UBE3A: variants seen among roughly 807,000 people sequenced by gnomAD.
The protein encoded by UBE3A is ubiquitin protein ligase E3A.
A neutral mutation model predicts 83.4 loss-of-function variants in UBE3A; 6 were observed. The observed-to-expected ratio is 0.07, with a 90% CI of 0.04 to 0.14. The LOEUF (loss-of-function observed/expected upper bound fraction) is 0.14, where lower values mean the gene tolerates loss of function less well. UBE3A is among the 10% of genes least tolerant of loss of function. The pLI is 1.00. For missense variants in UBE3A, 456 were observed against 1,036.1 expected (o/e 0.44, Z 7.69); for synonymous variants, 337 against 355.4 (o/e 0.95, Z 0.58).
intron 6 of UBE3A, among the ~76,000 whole-genome samples, chr15:25,367,092 A>G (rs1365633022): frequency 6.6e-6 from 1 of 151,596 alleles, no homozygotes; most frequent in Non-Finnish European, 1.5e-5. Flanking sequence ...ATCTTAATAC[A>G]TACTATCATT....
intron 3 of UBE3A, 80 bp downstream of exon 3, chr15:25,409,008 T>C: frequency 2.1e-6 from 3 of 1,430,474 alleles, no homozygotes; most frequent in South Asian, 1.2e-5. Flanking sequence ...CTGCCAACTA[T>C]ACATTGTCTT....
At chr15:25,418,482 T>C (rs781696497) in intron 1 of UBE3A, 2 of 152,124 alleles carry the variant, frequency 1.3e-5, no homozygotes, top group Non-Finnish European at 2.9e-5. Context: ...AAACATTATG[T>C]TGAGCAAAAA....
intron 4 of UBE3A, among the ~76,000 whole-genome samples, chr15:25,392,763 T>A (rs2084697702): frequency 6.6e-6 from 1 of 152,088 alleles, no homozygotes; most frequent in Non-Finnish European, 1.5e-5. Context: ...GAAAACATGA[T>A]ATTATAAGAC....
chr15:25,383,890 T>A (rs2082627100), intron 4 of UBE3A, among the ~76,000 whole-genome samples: 1 of 152,010 alleles, frequency 6.6e-6, no homozygotes, highest in Non-Finnish European at 1.5e-5. Context: ...ATGAGAAAAG[T>A]AAGAAGTAAA....
intron 4 of UBE3A, among the ~76,000 whole-genome samples, chr15:25,394,291 T>C (rs2085050773): frequency 6.6e-6 from 1 of 152,224 alleles, no homozygotes. Context: ...ACTGTCTCGA[T>C]AACAGTGTCA....
intron 11 of UBE3A, among the ~76,000 whole-genome samples, chr15:25,350,004 G>A (rs564300973): frequency 2.2e-4 from 34 of 152,256 alleles, no homozygotes; most frequent in Non-Finnish European, 2.6e-4. Context: ...AGTGGCTCAC[G>A]CCTGTAATCC....
chr15:25,362,619 AT>A (rs1457489273), intron 6 of UBE3A, among the ~76,000 whole-genome samples: 1 of 152,214 alleles, frequency 6.6e-6, no homozygotes, highest in African/African-American at 2.4e-5. Context: ...AGTCAAACAA[AT>A]GTAGATGTGA....
At chr15:25,341,397 A>AAATT (rs2074763911) in intron 11 of UBE3A, among the ~76,000 whole-genome samples, 1 of 151,990 alleles carries the variant, frequency 6.6e-6, no homozygotes, top group Non-Finnish European at 1.5e-5. Context: ...TAAGATTAAA[A>AAATT]AATTAAAAAA....
chr15:25,432,152 T>C (rs950436924), intron 1 of UBE3A, among the ~76,000 whole-genome samples: 1 of 152,236 alleles, frequency 6.6e-6, no homozygotes, highest in South Asian at 2.1e-4. Context: ...ATAAAGAACA[T>C]GAGTTTAACA....
chr15:25,357,772 A>G (rs2152707841), intron 7 of UBE3A, among the ~76,000 whole-genome samples: 1 of 152,320 alleles, frequency 6.6e-6, no homozygotes. Flanking sequence ...ACCTGGATAA[A>G]TCTGATGAAC....
chr15:25,400,129 A>T (rs1253058903), intron 4 of UBE3A, among the ~76,000 whole-genome samples: 1 of 152,212 alleles, frequency 6.6e-6, no homozygotes, highest in Non-Finnish European at 1.5e-5. Context: ...TACAATATTA[A>T]TTCTTCCAAT....
At chr15:25,391,687 C>T in intron 4 of UBE3A, 1 of 152,010 alleles carries the variant, frequency 6.6e-6, no homozygotes, top group East Asian at 1.9e-4. Flanking sequence ...AGCTGGAAGA[C>T]AGTAGAAGAG....
chr15:25,430,133 A>G (rs1441264692), intron 1 of UBE3A, among the ~76,000 whole-genome samples: 1 of 65,822 alleles, frequency 1.5e-5, no homozygotes, highest in African/African-American at 8.5e-5. Flanking sequence ...AAGATTATAT[A>G]TATATTATAT....
At chr15:25,412,976 G>A (rs886403042) in intron 1 of UBE3A, 12 of 434,562 alleles carry the variant, frequency 2.8e-5, no homozygotes, top group Non-Finnish European at 4.1e-5. Context: ...ACCCAAGAAC[G>A]CAGAAATGAA....
intron 4 of UBE3A, among the ~76,000 whole-genome samples, chr15:25,399,208 T>G (rs1372262943): frequency 1.3e-5 from 2 of 152,148 alleles, no homozygotes; most frequent in Non-Finnish European, 2.9e-5. Context: ...TAGTTTGATG[T>G]GATCTCATTC....
chr15:25,422,479 T>G (rs772216361), intron 1 of UBE3A, among the ~76,000 whole-genome samples: 26 of 152,022 alleles, frequency 1.7e-4, no homozygotes, highest in Admixed American at 3.9e-4. Context: ...AAAGGTGGCA[T>G]TATCAGTGGG....
chr15:25,376,397 A>T (rs929634621), intron 4 of UBE3A, among the ~76,000 whole-genome samples: 3 of 152,192 alleles, frequency 2.0e-5, no homozygotes, highest in Non-Finnish European at 1.5e-5. Flanking sequence ...AATCAATCCC[A>T]TAACTGTGGG....
chr15:25,430,051 T>TATATATATA (rs1567190959), intron 1 of UBE3A, among the ~76,000 whole-genome samples: 1 of 78,046 alleles, frequency 1.3e-5, no homozygotes, highest in African/African-American at 7.5e-5. Context: ...ATATATATAT[T>TATATATATA]TATATGTATT....
intron 1 of UBE3A, among the ~76,000 whole-genome samples, chr15:25,430,486 G>C (rs2153182170): frequency 6.6e-6 from 1 of 150,840 alleles, no homozygotes; most frequent in East Asian, 2.0e-4. Context: ...TAGCAATATG[G>C]ACAATGTGTG....
Sources: gnomAD v4.1 joint callset for allele counts (sites outside exome capture counted in the v4.1 genomes callset) on GRCh38, gnomAD v4.1.1 for gene constraint, MANE v1.5 for transcripts, NCBI Gene and HGNC (gene_info 2026-07-23, HGNC 2026-07-21) for gene names.